Variants in SHQ1 observed in about 807,000 individuals in gnomAD.
The protein encoded by SHQ1 is protein SHQ1 homolog.
A neutral mutation model predicts 53.8 loss-of-function variants in SHQ1; 49 were observed. The ratio of observed to expected loss-of-function variants is 0.91; its 90% CI spans 0.72 to 1.16. The LOEUF (loss-of-function observed/expected upper bound fraction) is 1.16, where lower values mean the gene tolerates loss of function less well. Among genes scored for constraint, SHQ1 ranks in the 50% most tolerant of loss-of-function variants. The pLI, the probability that SHQ1 is intolerant of heterozygous loss-of-function variation, is 0.00. For synonymous variants in SHQ1, 243 were observed against 251.0 expected (o/e 0.97, Z 0.30); for missense variants, 738 against 683.1 (o/e 1.08, Z -0.90).
In SHQ1 at chr3:72,812,897, C is replaced by T. The variant is rs530228079; in HGVS notation, c.937-103G>A. 52 of 1,343,188 alleles carry T rather than the reference C, an allele frequency of 3.9e-5. No homozygotes were observed. In the South Asian group the frequency reaches 5.0e-4, roughly 13 times the overall value. The allele number at this position is 1,343,188 out of a possible 1,614,324, so 83.2% of individuals were successfully genotyped here. A position where few individuals can be genotyped will look rare whatever the true frequency, so the allele number is the denominator to read the frequency against. ...TTTTCTCATTTAAAAGCTGCAAGTT[C>T]GGATCATTGTGAAGCCAAGTAGAAG... On this transcript the variant is annotated intron_variant, in intron 8 of 10. Coordinates refer to ENST00000325599, the MANE Select transcript of SHQ1 (RefSeq NM_018130.3).
chr3:72,807,958 T>C (rs1707005630), intron 9 of SHQ1, among the ~76,000 whole-genome samples: 1 of 152,234 alleles, frequency 6.6e-6, no homozygotes, highest in African/African-American at 2.4e-5. Flanking sequence ...TTTCTTGGGT[T>C]ACTACCTGCT....
intron 10 of SHQ1, among the ~76,000 whole-genome samples, chr3:72,761,207 C>A (rs1439010869): frequency 1.3e-5 from 2 of 151,788 alleles, no homozygotes; most frequent in Admixed American, 1.3e-4. Context: ...AGTCTTGTTC[C>A]ATCGCCCAGG....
chr3:72,796,436 C>G (rs1475016241), intron 9 of SHQ1, among the ~76,000 whole-genome samples: 1 of 152,180 alleles, frequency 6.6e-6, no homozygotes, highest in Non-Finnish European at 1.5e-5. Context: ...CCAGACATGC[C>G]TAAAGTGAGG....
At chr3:72,780,553 T>C (rs956975563) in intron 10 of SHQ1, among the ~76,000 whole-genome samples, 5 of 152,198 alleles carry the variant, frequency 3.3e-5, no homozygotes, top group African/African-American at 7.2e-5. Context: ...CTTAATACCA[T>C]ATGCGAGAAG....
At chr3:72,798,779 T>C (rs905215260) in intron 9 of SHQ1, among the ~76,000 whole-genome samples, 2 of 152,230 alleles carry the variant, frequency 1.3e-5, no homozygotes, top group Non-Finnish European at 2.9e-5. Context: ...TAGGAGATGA[T>C]CAGGGTAGTG....
intron 5 of SHQ1, among the ~76,000 whole-genome samples, chr3:72,828,064 C>T (rs1213427447): frequency 6.6e-6 from 1 of 152,076 alleles, no homozygotes; most frequent in South Asian, 2.1e-4. Context: ...TTTTTCAAGA[C>T]TTTCAAGGTC....
chr3:72,742,032 C>A, the SHQ1 span, among the ~76,000 whole-genome samples: 1 of 151,954 alleles, frequency 6.6e-6, no homozygotes, highest in African/African-American at 2.4e-5. Context: ...CAATCTCCCA[C>A]AGATACCGAG....
intron 10 of SHQ1, among the ~76,000 whole-genome samples, chr3:72,755,085 A>G (rs1705471633): frequency 6.6e-6 from 1 of 152,200 alleles, no homozygotes; most frequent in Non-Finnish European, 1.5e-5. Flanking sequence ...ACTGAAAGTA[A>G]CAAGTGTAAC....
chr3:72,825,780 A>G (rs1318295666), intron 5 of SHQ1, among the ~76,000 whole-genome samples: 1 of 152,246 alleles, frequency 6.6e-6, no homozygotes, highest in East Asian at 1.9e-4. Context: ...TTACAACCTT[A>G]TAGTTGTAAA....
At chr3:72,809,206 C>T (rs1041004675) in intron 9 of SHQ1, among the ~76,000 whole-genome samples, 3 of 152,112 alleles carry the variant, frequency 2.0e-5, no homozygotes, top group Non-Finnish European at 4.4e-5. Flanking sequence ...AGGGGTCCTC[C>T]TCCCTGCCGC....
the SHQ1 span, among the ~76,000 whole-genome samples, chr3:72,730,480 A>G: frequency 6.6e-6 from 1 of 152,206 alleles, no homozygotes; most frequent in African/African-American, 2.4e-5. Flanking sequence ...TACTTGATAT[A>G]TAATGTGGGA....
the SHQ1 span, among the ~76,000 whole-genome samples, chr3:72,726,360 T>TC: frequency 6.6e-6 from 1 of 152,088 alleles, no homozygotes; most frequent in Non-Finnish European, 1.5e-5. Context: ...GCCCTTTCTT[T>TC]TTTTTTTGGA....
At chr3:72,775,316 T>C (rs1207656314) in intron 10 of SHQ1, among the ~76,000 whole-genome samples, 2 of 152,072 alleles carry the variant, frequency 1.3e-5, no homozygotes, top group African/African-American at 2.4e-5. Context: ...TTTGAAAATT[T>C]AGAAGAAATG....
intron 2 of SHQ1, 61 bp from the exon 3 acceptor site, chr3:72,842,463 T>G: frequency 6.7e-7 from 1 of 1,490,330 alleles, no homozygotes; most frequent in Non-Finnish European, 9.2e-7. Flanking sequence ...GCACAATAGC[T>G]TACACCAGTA....
chr3:72,813,617 C>T (rs1460202989), intron 8 of SHQ1, among the ~76,000 whole-genome samples: 1 of 151,678 alleles, frequency 6.6e-6, no homozygotes, highest in East Asian at 1.9e-4. Context: ...CAAAATTAGC[C>T]GGGCGTGGTG....
At chr3:72,846,877 G>C (rs1708349006) in intron 1 of SHQ1, among the ~76,000 whole-genome samples, 2 of 152,104 alleles carry the variant, frequency 1.3e-5, no homozygotes, top group East Asian at 1.9e-4. Flanking sequence ...CACTAACCTG[G>C]AGTAAAAATT....
In SHQ1 at chr3:72,845,313, A is replaced by T. The variant is rs954045538; in HGVS notation, c.144-890T>A. Reference sequence around the variant, plus strand: ...AACATGGCCAAAATGGAGAAACCCTATATCTACTAAAAATACAAAATTAGC... The same window carrying T: ...AACATGGCCAAAATGGAGAAACCCTTTATCTACTAAAAATACAAAATTAGC... On this transcript the variant is annotated intron_variant, in intron 1 of 10. Transcript: ENST00000325599. 3.3e-5 allele frequency among the ~76,000 whole-genome samples: 5 copies of T among 152,130 alleles called. No individual in the cohort carries two copies. The East Asian group carries it at 9.7e-4, about 29-fold the overall frequency.
At chr3:72,848,060 T>C in intron 1 of SHQ1, 138 bp downstream of exon 1, 1 of 1,054,892 alleles carries the variant, frequency 9.5e-7, no homozygotes, top group Non-Finnish European at 1.4e-6. Flanking sequence ...GGCAGTTCCC[T>C]GGCACCAAGA....
chr3:72,807,089 C>T (rs1164043726), intron 9 of SHQ1, among the ~76,000 whole-genome samples: 1 of 152,162 alleles, frequency 6.6e-6, no homozygotes, highest in East Asian at 1.9e-4. Flanking sequence ...AATAAATGAA[C>T]TCATCAAGCA....
Sources: allele counts gnomAD v4.1 joint callset (sites outside exome capture counted in the v4.1 genomes callset), GRCh38; gene constraint gnomAD v4.1.1; transcripts MANE v1.5; gene names NCBI Gene and HGNC (gene_info 2026-07-23, HGNC 2026-07-21).